Variants in FAM120C observed in about 807,000 individuals in gnomAD.
FAM120C encodes the protein family with sequence similarity 120 member C.
In FAM120C, 14 loss-of-function variants were observed where a neutral mutation model predicts 71.2. The observed-to-expected ratio is 0.20, with a 90% CI of 0.13 to 0.31. The LOEUF is 0.31. Ranked by LOEUF, FAM120C falls within the 10% of genes least tolerant of loss-of-function variation. The pLI is 1.00. For synonymous variants in FAM120C, 354 were observed against 353.2 expected (o/e 1.00, Z -0.03); for missense variants, 500 against 879.0 (o/e 0.57, Z 5.45).
chrX:54,159,758 TTAC>T, intron 1 of FAM120C, 142 bp from the exon 2 acceptor site: 2 of 621,274 alleles, frequency 3.2e-6, no homozygotes. Context: ...TTAACATTTT[TTAC>T]TTTTTTTTTT....
chrX:54,078,196 G>A (rs2066746330), intron 15 of FAM120C, among the ~76,000 whole-genome samples: 1 of 107,029 alleles, frequency 9.3e-6, no homozygotes, highest in African/African-American at 3.4e-5. Flanking sequence ...GCCCGCCTCG[G>A]CCTCCCAAAG....
At chrX:54,174,429 G>A (rs782266504) in intron 1 of FAM120C, among the ~76,000 whole-genome samples, 1 of 111,671 alleles carries the variant, frequency 9.0e-6, no homozygotes, top group African/African-American at 3.3e-5. Flanking sequence ...GTGGCAGGGA[G>A]ACACCATGGA....
intron 10 of FAM120C, 134 bp downstream of exon 10, chrX:54,116,410 CG>C (rs2066968228): frequency 4.6e-6 from 3 of 658,375 alleles, no homozygotes; most frequent in Non-Finnish European, 6.7e-6. Context: ...CAATCATTTT[CG>C]GTGTTTCTGG....
chrX:54,171,388 C>G (rs1557135917), intron 1 of FAM120C, among the ~76,000 whole-genome samples: 1 of 111,949 alleles, frequency 8.9e-6, no homozygotes, highest in Non-Finnish European at 1.9e-5. Flanking sequence ...ACCTGGGCAA[C>G]AGAGCAAGAC....
At chrX:54,161,736 A>C (rs1328664110) in intron 1 of FAM120C, among the ~76,000 whole-genome samples, 2 of 112,068 alleles carry the variant, frequency 1.8e-5, no homozygotes, top group East Asian at 5.6e-4. Flanking sequence ...GGTTCAAGCA[A>C]TTCTCCTGCC....
intron 10 of FAM120C, among the ~76,000 whole-genome samples, chrX:54,100,548 C>T (rs2066877225): frequency 1.8e-5 from 2 of 110,726 alleles, no homozygotes; most frequent in South Asian, 7.7e-4. Flanking sequence ...TGGTTAAGTA[C>T]CTGTGGTCTC....
At position 54,182,680 on chromosome X, in the gene FAM120C, C is replaced by A; in HGVS notation, c.519G>T (p.Gly173=). 1 of 1,209,848 alleles carries A rather than the reference C, an allele frequency of 8.3e-7. No homozygotes were observed. Among genetic ancestry groups the A allele is most frequent in the Non-Finnish European group, 1.1e-6 (1 of 894,861 alleles). ...CGGCCAGCCGGTCCTTGCCCAGGCC[C>A]CCCGGGAACATGACCACGAGCTCCA... ...DGLELVVMFP[G]GLGKDRLAEW... is the part of the protein sequence containing the mutation. The change falls in exon 1 of 16, where the codon GGG becomes GGT. Residue 173 remains glycine (G), a synonymous_variant. Transcript: ENST00000375180.
chrX:54,181,476 G>T (rs1468540389), intron 1 of FAM120C, among the ~76,000 whole-genome samples: 1 of 112,096 alleles, frequency 8.9e-6, no homozygotes, highest in East Asian at 2.8e-4. Context: ...GTGGTGCCAA[G>T]AACTGGGGAT....
At chrX:54,152,471 T>A (rs2067188827) in intron 3 of FAM120C, among the ~76,000 whole-genome samples, 1 of 112,097 alleles carries the variant, frequency 8.9e-6, no homozygotes, top group Non-Finnish European at 1.9e-5. Flanking sequence ...TTGGCCAGAC[T>A]GGTCTTGAAC....
At chrX:54,115,839 C>T (rs1456327740) in intron 10 of FAM120C, among the ~76,000 whole-genome samples, 1 of 111,632 alleles carries the variant, frequency 9.0e-6, no homozygotes, top group East Asian at 2.8e-4. Flanking sequence ...AATCCCAGAA[C>T]TTTGGGAGGC....
At chrX:54,169,230 T>C (rs2067274995) in intron 1 of FAM120C, among the ~76,000 whole-genome samples, 1 of 110,178 alleles carries the variant, frequency 9.1e-6, no homozygotes, top group African/African-American at 3.3e-5. Flanking sequence ...CCCAGGAGGT[T>C]GAGGCTGCAG....
chrX:54,182,444 T>C, intron 1 of FAM120C, 56 bp downstream of exon 1: 1 of 1,124,623 alleles, frequency 8.9e-7, no homozygotes, highest in South Asian at 2.1e-5. Flanking sequence ...GTTAGGTATT[T>C]AGTTGGGAGG....
At chrX:54,105,209 C>T (rs1378887244) in intron 10 of FAM120C, among the ~76,000 whole-genome samples, 1 of 111,751 alleles carries the variant, frequency 8.9e-6, no homozygotes, top group East Asian at 2.8e-4. Flanking sequence ...CCTTGTCCAC[C>T]ACGATCAAGT....
In FAM120C at chrX:54,069,426, C is replaced by A. The variant is rs2066700786; in HGVS notation, c.*3607G>T. On this transcript the variant is annotated 3_prime_UTR_variant, in exon 16 of 16. Transcript: ENST00000375180. ...TATACTAACTACTTTAAACTGTGGTCTACTTGTACTGACTTTTCAAAGGTG... is the reference window on the plus strand; with the variant it reads ...TATACTAACTACTTTAAACTGTGGTATACTTGTACTGACTTTTCAAAGGTG... 1 of 110,625 alleles carries A rather than the reference C, an allele frequency of 9.0e-6. No homozygotes were observed. Among genetic ancestry groups the A allele is most frequent in the South Asian group, 3.8e-4 (1 of 2,607 alleles). 9.1% of individuals were successfully genotyped at this position (110,625 alleles called of 1,213,427 possible). A position where few individuals can be genotyped will look rare whatever the true frequency, so the allele number is the denominator to read the frequency against.
At chrX:54,171,731 T>G (rs1009977026) in intron 1 of FAM120C, 1 of 111,931 alleles carries the variant, frequency 8.9e-6, no homozygotes, top group African/African-American at 3.2e-5. Flanking sequence ...TGTAGGCATT[T>G]CCAAACACAG....
intron 4 of FAM120C, among the ~76,000 whole-genome samples, chrX:54,143,410 G>A (rs1382345218): frequency 4.1e-4 from 34 of 82,458 alleles, no homozygotes; most frequent in Admixed American, 9.6e-4. Context: ...AAAATTGATA[G>A]ACCGCTAGCA....
At chrX:54,103,310 T>G (rs189837818) in intron 10 of FAM120C, among the ~76,000 whole-genome samples, 1 of 111,425 alleles carries the variant, frequency 9.0e-6, no homozygotes, top group East Asian at 2.8e-4. Context: ...GTCACCAAGA[T>G]AGTTACTGTC....
chrX:54,166,693 AT>A (rs782328565), intron 1 of FAM120C, among the ~76,000 whole-genome samples: 70 of 111,676 alleles, frequency 6.3e-4, no homozygotes, highest in Non-Finnish European at 1.1e-3. Flanking sequence ...TTTAAAAGGT[AT>A]TTTTTGTGTA....
In FAM120C at chrX:54,081,314, G is replaced by A. The variant is rs782774520; in HGVS notation, c.2978+8C>T. On this transcript the variant is annotated splice_region_variant and intron_variant, in intron 14 of 15. Transcript: ENST00000375180. ...GACTAGCTCATATCAACCTATTTGG[G>A]TACATACCCCTTTCCTGGCCCACCG... The A allele has an allele frequency of 4.2e-6, 5 of 1,202,951 alleles. No individual in the cohort carries two copies. In the East Asian group the frequency reaches 1.5e-4, roughly 36 times the overall value.
Sources: gnomAD v4.1 joint callset for allele counts (sites outside exome capture counted in the v4.1 genomes callset) on GRCh38, gnomAD v4.1.1 for gene constraint, MANE v1.5 for transcripts, NCBI Gene and HGNC (gene_info 2026-07-23, HGNC 2026-07-21) for gene names.